Variants in HEATR1 observed in about 807,000 individuals in gnomAD.
The protein encoded by HEATR1 is HEAT repeat-containing protein 1.
A neutral mutation model predicts 248.2 loss-of-function variants in HEATR1; 77 were observed. That is an observed-to-expected ratio of 0.31 (90% CI 0.26 to 0.37). The LOEUF (loss-of-function observed/expected upper bound fraction) is 0.37, where lower values mean the gene tolerates loss of function less well. HEATR1 is among the 10% of genes least tolerant of loss of function. HEATR1 has a pLI of 1.00. For missense variants in HEATR1, 2,420 were observed against 2,504.9 expected, an observed-to-expected ratio of 0.97 and a Z score of 0.72; for synonymous variants, 897 against 923.1, an observed-to-expected ratio of 0.97 and a Z score of 0.51.
At position 236,559,840 on chromosome 1, in the gene HEATR1, G is replaced by GA. The variant is rs1558178690; in HGVS notation, c.4647-4dup. On this transcript the variant is annotated splice_polypyrimidine_tract_variant and splice_region_variant and intron_variant, in intron 33 of 44. Transcript: ENST00000366582. ...AGCCGAGAACGGTCTCCAGCAACCT[G>GA]AAACACAGAGGCTCGCTCAGCAAAC... is the stretch of plus-strand genomic sequence containing the variant. The GA allele has an allele frequency of 2.5e-6, 4 of 1,598,692 alleles. No individual in the cohort carries two copies. The highest frequency in any genetic ancestry group is 1.7e-4 in the Middle Eastern group (1 of 6,022).
chr1:236,591,014 G>C, intron 11 of HEATR1, 60 bp from the exon 12 acceptor site: 1 of 864,268 alleles, frequency 1.2e-6, no homozygotes, highest in East Asian at 3.1e-5. Context: ...CTATGATCAA[G>C]AATAAAACCC....
intron 4 of HEATR1, among the ~76,000 whole-genome samples, chr1:236,598,877 A>C (rs891999714): frequency 6.6e-6 from 1 of 152,144 alleles, no homozygotes; most frequent in Non-Finnish European, 1.5e-5. Context: ...CATATGTTGC[A>C]AACAAAGTGC....
intron 28 of HEATR1, among the ~76,000 whole-genome samples, chr1:236,569,427 C>T (rs569431368): frequency 6.6e-6 from 1 of 152,244 alleles, no homozygotes; most frequent in South Asian, 2.1e-4. Flanking sequence ...GTCTTGAACT[C>T]CTGGCCACAA....
intron 29 of HEATR1, 98 bp downstream of exon 29, chr1:236,568,885 TAAAAAAAAAAAAC>T (rs1663343699): frequency 6.4e-6 from 2 of 313,712 alleles, no homozygotes; most frequent in South Asian, 7.9e-5. Context: ...TTGAGGATAT[TAAAAAAAAAAAAC>T]AAAAAAAAAA....
In HEATR1 at chr1:236,557,311, T is replaced by G. The variant is rs1257978297; in HGVS notation, c.5239A>C (p.Thr1747Pro). ...ACCTCGCTGGAGACCAGCTCGCTGG[T>G]GTTCTTCATTGTTGTCAGCAACGAT... ...MPSLLTTMKN[T>P]SELVSSEVYL... Residue 1747 changes from threonine (T) to proline (P), a missense_variant, in exon 37 of 45, where the codon ACC becomes CCC. Transcript: ENST00000366582. 1 of 1,614,174 alleles carries G rather than the reference T, an allele frequency of 6.2e-7. No individual in the cohort carries two copies. The highest frequency in any genetic ancestry group is 1.6e-4 in the Middle Eastern group (1 of 6,062).
chr1:236,594,942 T>C (rs1350724047), intron 8 of HEATR1, among the ~76,000 whole-genome samples: 1 of 152,116 alleles, frequency 6.6e-6, no homozygotes, highest in Non-Finnish European at 1.5e-5. Flanking sequence ...GGGACCACAG[T>C]TGCATGTCAC....
At position 236,587,381 on chromosome 1, in the gene HEATR1, TGAG is replaced by T; in HGVS notation, c.1715+18_1715+20del. ...AGAACTTCATCAATTCAAAATAGTA[TGAG>T]GAGAAATGAATACATACCATTCTCC... is the stretch of plus-strand genomic sequence containing the variant. On this transcript the variant is annotated intron_variant, in intron 14 of 44. Coordinates refer to ENST00000366582, the MANE Select transcript of HEATR1 (RefSeq NM_018072.6). 1 of 1,174,372 alleles carries T rather than the reference TGAG, an allele frequency of 8.5e-7. No homozygotes were observed. The highest frequency in any genetic ancestry group is 1.2e-6 in the Non-Finnish European group (1 of 843,702). 72.7% of individuals were successfully genotyped at this position (1,174,372 alleles called of 1,614,324 possible). A position where few individuals can be genotyped will look rare whatever the true frequency, so the allele number is the denominator to read the frequency against.
chr1:236,571,741 T>C (rs1034127075), intron 26 of HEATR1, 55 bp from the exon 27 acceptor site: 13 of 1,300,452 alleles, frequency 1.0e-5, no homozygotes, highest in Non-Finnish European at 1.4e-5. Context: ...TACAATTCAT[T>C]GTTACATTAA....
At chr1:236,577,830 A>G (rs1293958389) in intron 20 of HEATR1, among the ~76,000 whole-genome samples, 2 of 152,118 alleles carry the variant, frequency 1.3e-5, no homozygotes, top group Non-Finnish European at 2.9e-5. Flanking sequence ...TATTTTCCAT[A>G]TTTTAAAAAC....
intron 20 of HEATR1, among the ~76,000 whole-genome samples, chr1:236,577,211 G>A (rs1244253426): frequency 1.3e-5 from 2 of 152,170 alleles, no homozygotes; most frequent in Admixed American, 1.3e-4. Context: ...TTGCGCAATG[G>A]TGCAATCTCG....
At chr1:236,577,871 T>A (rs147740095) in intron 20 of HEATR1, among the ~76,000 whole-genome samples, 3 of 152,324 alleles carry the variant, frequency 2.0e-5, no homozygotes, top group African/African-American at 7.2e-5. Flanking sequence ...TTAGGTTGTT[T>A]CTATTCTTTT....
At chr1:236,595,711 C>A in intron 7 of HEATR1, 38 bp from the exon 8 acceptor site, 2 of 1,579,930 alleles carry the variant, frequency 1.3e-6, no homozygotes, top group South Asian at 1.2e-5. Flanking sequence ...GTTGACTTTA[C>A]AAGTTAGACA....
At position 236,603,214 on chromosome 1, in the gene HEATR1, G is replaced by A. The variant is rs745680073; in HGVS notation, c.305C>T (p.Ser102Leu). The A allele has an allele frequency of 1.9e-5, 30 of 1,613,922 alleles. No homozygotes were observed. The highest frequency in any genetic ancestry group is 8.8e-5 in the South Asian group (8 of 91,082). Reference sequence around the variant, plus strand: ...TGCTGGCTTAAGCAGGAAGTAAGGCGACAAGTGAATAAGGAATAATGAAAT... The same window carrying A: ...TGCTGGCTTAAGCAGGAAGTAAGGCAACAAGTGAATAAGGAATAATGAAAT... ...ENISLFLIHL[S>L]PYFLLKPAQK... Residue 102 changes from serine to leucine, a missense_variant, in exon 3 of 45, where the codon TCG becomes TTG. By Grantham distance (145) the Ser-to-Leu change is moderately radical. Transcript: ENST00000366582.
At chr1:236,596,386 G>A (rs934041555) in intron 6 of HEATR1, among the ~76,000 whole-genome samples, 1 of 152,214 alleles carries the variant, frequency 6.6e-6, no homozygotes, top group African/African-American at 2.4e-5. Context: ...CAAGTCTGAT[G>A]AAAGGTCACA....
rs1390652845 is a variant in HEATR1 at position 236,603,264 on chromosome 1, T to C, written c.255A>G (p.Ala85=). The change falls in exon 3 of 45, where the codon GCA becomes GCG. Residue 85 remains alanine, a synonymous_variant. Transcript: ENST00000366582. ...KTLERSVQTK[A]VNKQLDENIS... is the part of the protein sequence containing the mutation. ...TGTTTTCATCCAACTGTTTGTTTAC[T>C]GCTTTGGTCTGAACACTTCGCTCCA... 3.7e-6 allele frequency: 6 copies of C among 1,614,062 alleles called. No individual in the cohort carries two copies. In the Admixed American group the frequency reaches 5.0e-5, roughly 13 times the overall value.
At chr1:236,599,059 G>T (rs961119062) in intron 4 of HEATR1, among the ~76,000 whole-genome samples, 1 of 152,014 alleles carries the variant, frequency 6.6e-6, no homozygotes, top group East Asian at 1.9e-4. Flanking sequence ...TTTAATTTTT[G>T]TAAGTATTTT....
At chr1:236,557,428 C>A (rs1039061628) in intron 36 of HEATR1, 83 bp from the exon 37 acceptor site, 38 of 1,432,878 alleles carry the variant, frequency 2.7e-5, no homozygotes, top group African/African-American at 8.5e-5. Flanking sequence ...ATGAAAAAAA[C>A]CAGCAAACTG....
rs779544403 is a variant in HEATR1 at position 236,586,465 on chromosome 1, C to T, written c.1716-13G>A. The T allele has an allele frequency of 1.9e-6, 3 of 1,577,358 alleles. No homozygotes were observed. The East Asian group carries it at 6.7e-5, about 35-fold the overall frequency. On this transcript the variant is annotated splice_polypyrimidine_tract_variant and intron_variant, in intron 14 of 44. Coordinates refer to ENST00000366582, the MANE Select transcript of HEATR1 (RefSeq NM_018072.6). ...AAGTACCTCGTACCTAAAAGACATG[C>T]AAGCACACTTGGTTGAAAGACACAT... is the stretch of plus-strand genomic sequence containing the variant.
At chr1:236,597,761 A>C in intron 5 of HEATR1, 117 bp downstream of exon 5, 1 of 643,408 alleles carries the variant, frequency 1.6e-6, no homozygotes, top group East Asian at 2.8e-5. Context: ...CAGACCATTT[A>C]ACAAAATAAA....
Sources: gnomAD v4.1 joint callset for allele counts (sites outside exome capture counted in the v4.1 genomes callset) on GRCh38, gnomAD v4.1.1 for gene constraint, MANE v1.5 for transcripts, NCBI Gene and HGNC (gene_info 2026-07-23, HGNC 2026-07-21) for gene names.